Variants in PJA2 observed in about 807,000 individuals in gnomAD.
The protein encoded by PJA2 is E3 ubiquitin-protein ligase Praja-2.
Under a neutral mutation model 69.3 loss-of-function variants are expected in PJA2, and 25 were observed. That is an observed-to-expected ratio of 0.36 (90% CI 0.26 to 0.50). The LOEUF is 0.50. Among genes scored for constraint, PJA2 ranks in the 20% least tolerant of loss-of-function variants. PJA2 has a pLI of 0.96. For synonymous variants in PJA2, 308 were observed against 277.8 expected, an observed-to-expected ratio of 1.11 and a Z score of -1.08; for missense variants, 809 against 830.2, an observed-to-expected ratio of 0.97 and a Z score of 0.31.
rs1297138802 is a variant in PJA2 at position 109,381,644 on chromosome 5, T to C, written c.91A>G (p.Ile31Val). The C allele has an allele frequency of 6.2e-7, 1 of 1,614,158 alleles. No homozygotes were observed. Among genetic ancestry groups the C allele is most frequent in the South Asian group, 1.1e-5 (1 of 91,084 alleles). ...WPKPAGGYQTITGRRYGRRHA... is the reference protein window; with the variant it reads ...WPKPAGGYQTVTGRRYGRRHA... ...CTTCTTCCATATCTCCTGCCTGTAA[T>C]TGTCTGATACCCTCCTGCTGGTTTG... Residue 31 changes from isoleucine (I) to valine (V), a missense_variant, in exon 3 of 10, where the codon ATT (isoleucine) becomes GTT (valine). Coordinates refer to ENST00000361189, the MANE Select transcript of PJA2 (RefSeq NM_014819.5).
intron 6 of PJA2, among the ~76,000 whole-genome samples, chr5:109,361,903 G>A (rs996564362): frequency 1.3e-5 from 2 of 152,202 alleles, no homozygotes; most frequent in African/African-American, 4.8e-5. Flanking sequence ...GAACAGTCTG[G>A]AGAAGTACAG....
At chr5:109,382,580 G>A (rs1056349214) in intron 2 of PJA2, among the ~76,000 whole-genome samples, 1 of 152,056 alleles carries the variant, frequency 6.6e-6, no homozygotes, top group Non-Finnish European at 1.5e-5. Flanking sequence ...GGGCATGGTG[G>A]CTCATGCCTG....
chr5:109,386,677 C>T (rs1747166102), intron 1 of PJA2, among the ~76,000 whole-genome samples: 2 of 151,938 alleles, frequency 1.3e-5, no homozygotes, highest in African/African-American at 4.8e-5. Flanking sequence ...GGAAGATCCT[C>T]AAATAATGGT....
intron 1 of PJA2, chr5:109,409,377 T>C (rs1747772180): frequency 6.6e-6 from 1 of 152,354 alleles, no homozygotes; most frequent in Non-Finnish European, 1.5e-5. Flanking sequence ...TGCAGGCCTG[T>C]GGCGTAAGAT....
intron 4 of PJA2, among the ~76,000 whole-genome samples, chr5:109,370,148 A>C (rs574679668): frequency 1.4e-4 from 22 of 152,292 alleles, no homozygotes; most frequent in Non-Finnish European, 2.5e-4. Flanking sequence ...TTATGCTACC[A>C]AAGGCTAAAA....
chr5:109,362,724 G>A, intron 6 of PJA2, 116 bp downstream of exon 6: 1 of 1,029,514 alleles, frequency 9.7e-7, no homozygotes, highest in Non-Finnish European at 1.4e-6. Context: ...AAGAAGAGGA[G>A]GACTAACAGA....
At chr5:109,359,924 A>G (rs1415235102) in intron 6 of PJA2, among the ~76,000 whole-genome samples, 1 of 152,210 alleles carries the variant, frequency 6.6e-6, no homozygotes, top group East Asian at 1.9e-4. Flanking sequence ...AAGTAAAGAA[A>G]GGGACATCAT....
intron 9 of PJA2, 148 bp from the exon 10 acceptor site, chr5:109,337,504 A>G: frequency 1.2e-6 from 1 of 850,190 alleles, no homozygotes; most frequent in Non-Finnish European, 1.7e-6. Context: ...GCAGAAAGAC[A>G]TAATTTTAAT....
chr5:109,372,583 T>C (rs964343299), intron 4 of PJA2, among the ~76,000 whole-genome samples: 2 of 152,108 alleles, frequency 1.3e-5, no homozygotes, highest in Non-Finnish European at 2.9e-5. Flanking sequence ...GACAAATGGA[T>C]GTGGAAATCA....
At chr5:109,385,123 C>A (rs999486305) in intron 1 of PJA2, among the ~76,000 whole-genome samples, 1 of 152,104 alleles carries the variant, frequency 6.6e-6, no homozygotes, top group Non-Finnish European at 1.5e-5. Context: ...CTGAAATGTG[C>A]GTTTTATTCT....
intron 7 of PJA2, 60 bp from the exon 8 acceptor site, chr5:109,344,879 A>C: frequency 9.2e-7 from 1 of 1,091,898 alleles, no homozygotes; most frequent in Non-Finnish European, 1.4e-6. Context: ...ACAGAAAACT[A>C]TTTTTAGGGT....
In PJA2 at chr5:109,344,751, T is replaced by C. The variant is rs1436014573; in HGVS notation, c.1833A>G (p.Glu611=). The C allele has an allele frequency of 6.2e-7, 1 of 1,614,038 alleles. No individual in the cohort carries two copies. Among genetic ancestry groups the C allele is most frequent in the Non-Finnish European group, 8.5e-7 (1 of 1,179,962 alleles). The change falls in exon 8 of 10, where the codon GAA becomes GAG. Residue 611 remains glutamate, a synonymous_variant. Coordinates refer to ENST00000361189, the MANE Select transcript of PJA2 (RefSeq NM_014819.5). The part of the protein sequence containing the change: ...VEVANPPASK[E]SIDGLPETLV... ...GGGTCTCTGGAAGACCATCAATGCT[T>C]TCCTTACTAGCTGGTGGATTGGCCA... is the stretch of plus-strand genomic sequence containing the variant.
intron 6 of PJA2, among the ~76,000 whole-genome samples, chr5:109,362,081 T>C (rs1762515355): frequency 6.6e-6 from 1 of 152,220 alleles, no homozygotes; most frequent in Non-Finnish European, 1.5e-5. Context: ...ACACAAATTC[T>C]TAAAAATATA....
intron 1 of PJA2, 136 bp downstream of exon 1, chr5:109,409,706 C>G (rs1218393070): frequency 6.5e-6 from 1 of 153,578 alleles, no homozygotes; most frequent in Non-Finnish European, 1.5e-5. Flanking sequence ...CGCAGCAGGC[C>G]AGGGACAAGC....
chr5:109,356,781 A>C (rs1444410121), intron 6 of PJA2, among the ~76,000 whole-genome samples: 1 of 152,064 alleles, frequency 6.6e-6, no homozygotes, highest in African/African-American at 2.4e-5. Flanking sequence ...TCTTCTTCTA[A>C]GATTAGGCCA....
At chr5:109,339,972 T>C (rs538092809) in intron 9 of PJA2, among the ~76,000 whole-genome samples, 87 of 152,340 alleles carry the variant, frequency 5.7e-4, no homozygotes, top group African/African-American at 2.0e-3. Context: ...ATTTTAAAAC[T>C]AATTCAGAAT....
At chr5:109,379,686 T>C (rs1746994410) in intron 3 of PJA2, among the ~76,000 whole-genome samples, 1 of 152,194 alleles carries the variant, frequency 6.6e-6, no homozygotes, top group Non-Finnish European at 1.5e-5. Flanking sequence ...CAAAAGTACT[T>C]ATGACAGATA....
intron 1 of PJA2, among the ~76,000 whole-genome samples, 183 bp downstream of exon 1, chr5:109,409,659 G>A (rs1238977967): frequency 3.3e-5 from 5 of 151,948 alleles, no homozygotes; most frequent in African/African-American, 4.8e-5. Flanking sequence ...GGCGAAGAAG[G>A]CCTCCCACAG....
At chr5:109,337,885 A>G (rs1464790886) in intron 9 of PJA2, among the ~76,000 whole-genome samples, 1 of 152,146 alleles carries the variant, frequency 6.6e-6, no homozygotes, top group Non-Finnish European at 1.5e-5. Flanking sequence ...AGGGTAGCAC[A>G]GATATGTCAA....
Sources: allele counts gnomAD v4.1 joint callset (sites outside exome capture counted in the v4.1 genomes callset), GRCh38; gene constraint gnomAD v4.1.1; transcripts MANE v1.5; gene names NCBI Gene and HGNC (gene_info 2026-07-23, HGNC 2026-07-21).